Variants in PATL2 observed in about 807,000 individuals in gnomAD.
The protein encoded by PATL2 is protein PAT1 homolog 2.
Under a neutral mutation model 77.0 loss-of-function variants are expected in PATL2, and 73 were observed. The observed-to-expected ratio is 0.95, with a 90% CI of 0.78 to 1.15. PATL2 has a LOEUF of 1.15. PATL2 is among the 50% of genes most tolerant of loss of function. PATL2 has a pLI of 0.00. For missense variants in PATL2, 618 were observed against 655.4 expected (o/e 0.94, Z 0.62); for synonymous variants, 265 against 257.1 (o/e 1.03, Z -0.29).
intron 3 of PATL2, among the ~76,000 whole-genome samples, chr15:44,678,835 T>C (rs1170494206): frequency 1.3e-5 from 2 of 152,184 alleles, no homozygotes; most frequent in Non-Finnish European, 2.9e-5. Context: ...TTACATTTGC[T>C]ACATAAAACA....
intron 3 of PATL2, among the ~76,000 whole-genome samples, chr15:44,688,144 G>C (rs879645393): frequency 6.6e-6 from 1 of 151,378 alleles, no homozygotes; most frequent in Non-Finnish European, 1.5e-5. Flanking sequence ...TACTTGGGAG[G>C]CTGAGGCAGG....
intron 3 of PATL2, among the ~76,000 whole-genome samples, chr15:44,691,907 A>C (rs1456742466): frequency 6.6e-6 from 1 of 151,936 alleles, no homozygotes; most frequent in Non-Finnish European, 1.5e-5. Flanking sequence ...TATTTTATAG[A>C]GGGAGGATAA....
At chr15:44,675,783 C>T in intron 4 of PATL2, 92 bp from the exon 5 acceptor site, 4 of 1,085,078 alleles carry the variant, frequency 3.7e-6, no homozygotes, top group Non-Finnish European at 5.2e-6. Context: ...CACTTCTGTT[C>T]ATAAGCCATC....
At chr15:44,702,830 T>C (rs1017717279) in intron 3 of PATL2, among the ~76,000 whole-genome samples, 7 of 152,130 alleles carry the variant, frequency 4.6e-5, no homozygotes, top group African/African-American at 1.7e-4. Context: ...TTCTAGTTTT[T>C]TTCCATTGTG....
intron 3 of PATL2, among the ~76,000 whole-genome samples, chr15:44,681,993 A>G (rs117095503): frequency 0.01 from 1,534 of 152,226 alleles, 15 homozygotes; most frequent in Non-Finnish European, 0.018. Context: ...ATCGCTGTGC[A>G]CCAGGTTGTC....
chr15:44,680,117 G>A (rs2086100899), intron 3 of PATL2, among the ~76,000 whole-genome samples: 1 of 152,124 alleles, frequency 6.6e-6, no homozygotes, highest in African/African-American at 2.4e-5. Flanking sequence ...CTAGTTCCAG[G>A]GTGCTTCACT....
chr15:44,691,748 G>C (rs2086397320), intron 3 of PATL2, among the ~76,000 whole-genome samples: 1 of 151,996 alleles, frequency 6.6e-6, no homozygotes. Context: ...CATCTGCTCA[G>C]GAGGCTAAGA....
At chr15:44,707,499 C>A (rs2141276040) in intron 3 of PATL2, among the ~76,000 whole-genome samples, 1 of 152,222 alleles carries the variant, frequency 6.6e-6, no homozygotes, top group Non-Finnish European at 1.5e-5. Flanking sequence ...TCCCTTCTGG[C>A]CCAGGGTGTG....
chr15:44,695,930 T>C (rs924564980), intron 3 of PATL2, among the ~76,000 whole-genome samples: 1 of 152,050 alleles, frequency 6.6e-6, no homozygotes, highest in African/African-American at 2.4e-5. Flanking sequence ...GAGCACCTGA[T>C]TGGAAGCAGG....
chr15:44,668,123 G>A (rs2085475074), intron 15 of PATL2, among the ~76,000 whole-genome samples: 1 of 152,174 alleles, frequency 6.6e-6, no homozygotes, highest in Non-Finnish European at 1.5e-5. Flanking sequence ...TAGAAAAGCA[G>A]AGCAGGTGCA....
intron 3 of PATL2, chr15:44,677,029 T>C (rs191988168): frequency 3.6e-6 from 2 of 561,364 alleles, no homozygotes; most frequent in East Asian, 1.4e-4. Flanking sequence ...GAGAACATAG[T>C]TTAATGATTA....
In PATL2 at chr15:44,669,802, G is replaced by C; in HGVS notation, c.851C>G (p.Ala284Gly). The change falls in exon 11 of 18, where the codon GCG becomes GGG. Residue 284 changes from alanine (A) to glycine (G), a missense_variant. Ala to Gly is a moderately conservative substitution (Grantham distance 60, BLOSUM62 0). Transcript: ENST00000682850. ...TCFSPRRAID[A>G]VPHGTQEQDI... ...CTGCTCTTGAGTTCCATGGGGTACCGCATCAATAGCTCGGCGAGGGCTGAA... is the reference window on the plus strand; with the variant it reads ...CTGCTCTTGAGTTCCATGGGGTACCCCATCAATAGCTCGGCGAGGGCTGAA... 1.9e-6 allele frequency: 3 copies of C among 1,551,670 alleles called. No individual in the cohort carries two copies. Among genetic ancestry groups the C allele is most frequent in the Non-Finnish European group, 2.6e-6 (3 of 1,146,994 alleles).
intron 11 of PATL2, 82 bp downstream of exon 11, chr15:44,669,695 G>T: frequency 6.6e-7 from 1 of 1,510,178 alleles, no homozygotes. Flanking sequence ...CTCCTTCTTC[G>T]GTCACAGTCT....
At chr15:44,675,905 G>T in intron 4 of PATL2, 1 of 543,454 alleles carries the variant, frequency 1.8e-6, no homozygotes, top group African/African-American at 1.9e-5. Flanking sequence ...ACCTGAGCCA[G>T]GTGTGGTGGC....
In PATL2 at chr15:44,669,408, G is replaced by A. The variant is rs543546954; in HGVS notation, c.936C>T (p.Phe312=). ...CTTCCTCTATTTCTAGTAACTGAAGGAACATCTGGGAATTTGAGGGTGGAA... is the reference window on the plus strand; with the variant it reads ...CTTCCTCTATTTCTAGTAACTGAAGAAACATCTGGGAATTTGAGGGTGGAA... ...LRVLYRIEKM[F]LQLLEIEEGW... is the part of the protein sequence containing the mutation. Residue 312 remains phenylalanine (F), a synonymous_variant, in exon 13 of 18, where the codon TTC becomes TTT. Coordinates refer to ENST00000682850, the MANE Select transcript of PATL2 (RefSeq NM_001387263.1). 58 of 1,549,734 alleles carry A rather than the reference G, an allele frequency of 3.7e-5. No individual in the cohort carries two copies. Among genetic ancestry groups the A allele is most frequent in the Non-Finnish European group, 4.7e-5 (54 of 1,145,338 alleles).
In PATL2 at chr15:44,667,500, A is replaced by G. The variant is rs1190513795; in HGVS notation, c.1366-297T>C. ...GGGAATGCATCCAGGAATCTGAGGCAGGTAGTCTGTGGACCCCACTTTAAG... is the reference window on the plus strand; with the variant it reads ...GGGAATGCATCCAGGAATCTGAGGCGGGTAGTCTGTGGACCCCACTTTAAG... On this transcript the variant is annotated intron_variant, in intron 15 of 17. Transcript: ENST00000682850. Among the ~76,000 whole-genome samples the G allele has an allele frequency of 9.9e-5, 15 of 152,216 alleles. 1 individual carries two copies. The highest frequency in any genetic ancestry group is 1.5e-5 in the Non-Finnish European group (1 of 68,036).
intron 3 of PATL2, among the ~76,000 whole-genome samples, chr15:44,701,130 A>G (rs2141263746): frequency 6.6e-6 from 1 of 152,102 alleles, no homozygotes; most frequent in Admixed American, 6.6e-5. Context: ...CTTGGTCATG[A>G]TGAATGATTT....
At chr15:44,692,054 GA>G (rs1229985107) in intron 3 of PATL2, among the ~76,000 whole-genome samples, 1 of 152,044 alleles carries the variant, frequency 6.6e-6, no homozygotes, top group African/African-American at 2.4e-5. Flanking sequence ...GTGAACACAT[GA>G]AAAAACAATA....
intron 3 of PATL2, among the ~76,000 whole-genome samples, chr15:44,705,438 C>T (rs554661693): frequency 6.6e-6 from 1 of 152,314 alleles, no homozygotes; most frequent in East Asian, 1.9e-4. Context: ...CCTTGGCCTC[C>T]CAAAGTGCTG....
Sources: allele counts gnomAD v4.1 joint callset (sites outside exome capture counted in the v4.1 genomes callset), GRCh38; gene constraint gnomAD v4.1.1; transcripts MANE v1.5; gene names NCBI Gene and HGNC (gene_info 2026-07-23, HGNC 2026-07-21).